Variants in RYR3 observed in about 807,000 individuals in gnomAD.
RYR3 encodes the protein ryanodine receptor 3, also known as brain ryanodine receptor-calcium release channel.
In RYR3, 207 loss-of-function variants were observed where a neutral mutation model predicts 584.3. That is an observed-to-expected ratio of 0.35 (90% CI 0.32 to 0.40). RYR3 has a LOEUF of 0.40. RYR3 is among the 10% of genes least tolerant of loss of function. RYR3 has a pLI of 1.00. For synonymous variants in RYR3, 2,416 were observed against 2,248.5 expected, an observed-to-expected ratio of 1.07 and a Z score of -2.11; for missense variants, 5,616 against 6,089.2, an observed-to-expected ratio of 0.92 and a Z score of 2.59.
At chr15:33,589,676 A>G (rs148021868) in intron 16 of RYR3, among the ~76,000 whole-genome samples, 84 of 152,310 alleles carry the variant, frequency 5.5e-4, no homozygotes, top group African/African-American at 1.8e-3. Flanking sequence ...ATTCTTCTGC[A>G]TATGGCAATC....
intron 64 of RYR3, among the ~76,000 whole-genome samples, chr15:33,775,575 T>G (rs112840384): frequency 2.6e-5 from 4 of 152,150 alleles, no homozygotes; most frequent in Non-Finnish European, 5.9e-5. Context: ...ATAAGACTTG[T>G]GTTTAGTGAT....
intron 62 of RYR3, among the ~76,000 whole-genome samples, chr15:33,769,842 G>A (rs548614720): frequency 6.6e-6 from 1 of 152,058 alleles, no homozygotes; most frequent in African/African-American, 2.4e-5. Context: ...CCAACTACTC[G>A]GGTGGCTGAG....
At chr15:33,460,962 T>TTTTTTTTTTTTTTTTA (rs1567286930) in intron 1 of RYR3, among the ~76,000 whole-genome samples, 1 of 141,342 alleles carries the variant, frequency 7.1e-6, no homozygotes, top group South Asian at 2.4e-4. Flanking sequence ...TTTTTTTTTT[T>TTTTTTTTTTTTTTTTA]AAGACGGAGT....
chr15:33,490,124 G>C lies in RYR3; in HGVS notation c.172-13507G>C, dbSNP rs1307354164. The stretch of plus-strand genomic sequence containing the variant: ...GTTTTTCTTCATCTAAATTATTTCA[G>C]GGAATGATTACAAAGTGTTCCTAAC... On this transcript the variant is annotated intron_variant, in intron 2 of 103. Coordinates refer to ENST00000634891, the MANE Select transcript of RYR3 (RefSeq NM_001036.6). Among the ~76,000 whole-genome samples, 4 of 152,248 alleles carry C rather than the reference G, an allele frequency of 2.6e-5. No homozygotes were observed. In the East Asian group the frequency reaches 7.7e-4, roughly 29 times the overall value.
At chr15:33,476,509 A>G (rs1488871311) in intron 2 of RYR3, among the ~76,000 whole-genome samples, 1 of 152,124 alleles carries the variant, frequency 6.6e-6, no homozygotes, top group Non-Finnish European at 1.5e-5. Context: ...TCTGTTTTCA[A>G]AGTTGTACTC....
chr15:33,818,512 C>A, intron 75 of RYR3, 66 bp from the exon 76 acceptor site: 1 of 1,186,892 alleles, frequency 8.4e-7, no homozygotes, highest in Non-Finnish European at 1.2e-6. Context: ...TCTCTTTGTT[C>A]GCATGCCAGT....
At chr15:33,525,701 G>T (rs180817216) in intron 3 of RYR3, among the ~76,000 whole-genome samples, 458 of 152,298 alleles carry the variant, frequency 3.0e-3, no homozygotes, top group African/African-American at 0.01. Context: ...AATATACTGG[G>T]TGACTTGCTT....
chr15:33,635,761 G>C lies in RYR3; in HGVS notation c.3323G>C (p.Cys1108Ser), dbSNP rs2061469039. The C allele has an allele frequency of 6.2e-7, 1 of 1,613,742 alleles. No homozygotes were observed. Among genetic ancestry groups the C allele is most frequent in the African/African-American group, 1.3e-5 (1 of 74,958 alleles). The part of the protein sequence containing the change: ...DMRVGWARPG[C>S]RPDVELGADD... ...CGAGTCGGCTGGGCGAGGCCAGGCT[G>C]TCGACCTGATGTCGAGCTGGGGGCC... Residue 1108 changes from cysteine (C) to serine (S), a missense_variant, in exon 26 of 104, where the codon TGT (cysteine) becomes TCT (serine). Physicochemically the swap from Cys to Ser is moderately radical, Grantham distance 112. Transcript: ENST00000634891.
intron 63 of RYR3, 67 bp from the exon 64 acceptor site, chr15:33,773,467 T>C: frequency 8.8e-7 from 1 of 1,139,942 alleles, no homozygotes; most frequent in East Asian, 2.5e-5. Flanking sequence ...ATTTTTTTTT[T>C]CCTCTTCATG....
chr15:33,488,338 G>T (rs1161834039), intron 2 of RYR3, among the ~76,000 whole-genome samples: 1 of 151,940 alleles, frequency 6.6e-6, no homozygotes, highest in Non-Finnish European at 1.5e-5. Context: ...CCTCTGTCAC[G>T]CTTAGTACTT....
intron 1 of RYR3, among the ~76,000 whole-genome samples, chr15:33,380,297 G>C (rs2041087812): frequency 6.6e-6 from 1 of 152,194 alleles, no homozygotes; most frequent in African/African-American, 2.4e-5. Flanking sequence ...AGTGCCTCAG[G>C]CTTAGCAAAG....
intron 1 of RYR3, among the ~76,000 whole-genome samples, chr15:33,397,585 G>C (rs775887608): frequency 1.3e-5 from 2 of 152,176 alleles, no homozygotes; most frequent in African/African-American, 4.8e-5. Context: ...CAGGGGCATC[G>C]TCTGTGATTT....
intron 18 of RYR3, among the ~76,000 whole-genome samples, chr15:33,606,502 T>C (rs2059912935): frequency 6.6e-6 from 1 of 152,206 alleles, no homozygotes; most frequent in Non-Finnish European, 1.5e-5. Flanking sequence ...GCTTTTTCTC[T>C]GTGTAGGGGA....
chr15:33,346,009 G>C (rs1025225008), intron 1 of RYR3, among the ~76,000 whole-genome samples: 1 of 152,108 alleles, frequency 6.6e-6, no homozygotes, highest in Non-Finnish European at 1.5e-5. Context: ...AGATGTTACT[G>C]TATTTATTTG....
chr15:33,624,072 G>A, intron 20 of RYR3, 49 bp downstream of exon 20: 1 of 1,229,296 alleles, frequency 8.1e-7, no homozygotes, highest in Non-Finnish European at 1.2e-6. Flanking sequence ...TGAAGCAATA[G>A]AGTTAAATAC....
chr15:33,849,649 T>A (rs2078960963), intron 94 of RYR3: 2 of 152,098 alleles, frequency 1.3e-5, no homozygotes, highest in African/African-American at 4.8e-5. Context: ...TAGGGCCAAA[T>A]AGTAAACAAA....
In RYR3 at chr15:33,708,815, G is replaced by A. The variant is rs369800818; in HGVS notation, c.6619+1761G>A. Among the ~76,000 whole-genome samples the A allele has an allele frequency of 3.0e-4, 45 of 152,266 alleles. No individual in the cohort carries two copies. The East Asian group carries it at 8.5e-3, about 29-fold the overall frequency. On this transcript the variant is annotated intron_variant, in intron 43 of 103. Coordinates refer to ENST00000634891, the MANE Select transcript of RYR3 (RefSeq NM_001036.6). ...ACACACTTGGACAAAGGAGGGGAGG[G>A]GGTTCTTATTCCTGATGCACGTGGC...
chr15:33,459,251 C>T (rs1192239041), intron 1 of RYR3, among the ~76,000 whole-genome samples: 2 of 152,168 alleles, frequency 1.3e-5, no homozygotes, highest in African/African-American at 2.4e-5. Context: ...CCTGTAGGCT[C>T]ATCAAAAGGA....
In RYR3 at chr15:33,581,654, A is replaced by G. The variant is rs8031882; in HGVS notation, c.1573+11A>G. 8.8e-4 allele frequency: 1,421 copies of G among 1,611,648 alleles called. 15 individuals are homozygous for G. The African/African-American group carries it at 0.017, about 19-fold the overall frequency. ...TCTACAAATTGCTGGGTAAGTACAC[A>G]TACAGTGCCTTCTCCCTGGGATGAT... On this transcript the variant is annotated intron_variant, in intron 14 of 103. Coordinates refer to ENST00000634891, the MANE Select transcript of RYR3 (RefSeq NM_001036.6).
Sources: gnomAD v4.1 joint callset for allele counts (sites outside exome capture counted in the v4.1 genomes callset) on GRCh38, gnomAD v4.1.1 for gene constraint, MANE v1.5 for transcripts, NCBI Gene and HGNC (gene_info 2026-07-23, HGNC 2026-07-21) for gene names.